FHAD1: variants seen among roughly 807,000 people sequenced by gnomAD.
The protein encoded by FHAD1 is forkhead-associated domain-containing protein 1.
FHAD1 carries 146 observed loss-of-function variants against 191.3 expected under a neutral mutation model. The observed-to-expected ratio is 0.76, with a 90% CI of 0.67 to 0.88. The LOEUF (loss-of-function observed/expected upper bound fraction) is 0.88. Ranked by LOEUF, FHAD1 falls within the 40% of genes least tolerant of loss-of-function variation. FHAD1 has a pLI of 0.00. For missense variants in FHAD1, 1,635 were observed against 1,785.8 expected (o/e 0.92, Z 1.52); for synonymous variants, 616 against 672.3 (o/e 0.92, Z 1.29).
intron 31 of FHAD1, chr1:15,383,699 A>G: frequency 3.3e-6 from 1 of 305,020 alleles, no homozygotes; most frequent in Non-Finnish European, 6.6e-6. Flanking sequence ...CTGTTTCTTC[A>G]TGACCGTCTC....
chr1:15,248,037 G>A (rs1646303406), intron 1 of FHAD1, among the ~76,000 whole-genome samples: 2 of 150,418 alleles, frequency 1.3e-5, no homozygotes, highest in African/African-American at 5.0e-5. Flanking sequence ...AACCCATTCA[G>A]CTAAAGAAAT....
rs1461197026 is a variant in FHAD1 at position 15,311,252 on chromosome 1, G to A, written c.1040-1805G>A. 2.0e-5 allele frequency among the ~76,000 whole-genome samples: 3 copies of A among 152,112 alleles called. No homozygotes were observed. Among genetic ancestry groups the A allele is most frequent in the Non-Finnish European group, 4.4e-5 (3 of 67,980 alleles). On this transcript the variant is annotated intron_variant, in intron 7 of 33. Coordinates refer to ENST00000688493, the MANE Select transcript of FHAD1 (RefSeq NM_001391957.1). This position sits in a 1 kb window ranked among gnomAD's most constrained non-coding sequence, Gnocchi z 4.1. ...CGTGCCAGGCGGGAGGGGGCTGCACGGAGAGCACCCCGGAGATCTCAGAGG... is the reference window on the plus strand; with the variant it reads ...CGTGCCAGGCGGGAGGGGGCTGCACAGAGAGCACCCCGGAGATCTCAGAGG...
In FHAD1 at chr1:15,345,148, G is replaced by A. The variant is rs959892805; in HGVS notation, c.2196G>A (p.Lys732=). 11 of 1,551,722 alleles carry A rather than the reference G, an allele frequency of 7.1e-6. No individual in the cohort carries two copies. The highest frequency in any genetic ancestry group is 9.6e-6 in the Non-Finnish European group (11 of 1,147,030). The part of the protein sequence containing the change: ...RAKETLEEER[K]RMQELESLLA... The stretch of plus-strand genomic sequence containing the variant: ...AAGAGACTTTAGAGGAAGAACGGAA[G>A]AGAATGCAAGAACTGGAGAGCCTCC... The change falls in exon 17 of 34, where the codon AAG becomes AAA. Residue 732 remains lysine, a synonymous_variant. Coordinates refer to ENST00000688493, the MANE Select transcript of FHAD1 (RefSeq NM_001391957.1).
chr1:15,264,578 G>GTGTGTGTGTA lies in FHAD1; in HGVS notation c.94-7745_94-7744insTGTGTGTGTA, dbSNP rs1553230111. Reference sequence around the variant, plus strand: ...TGTGTGTGTGTGTGTGTGTGTGTGTGATCTTTAGGGCTTTCTACATATAAA... The same window carrying GTGTGTGTGTA: ...TGTGTGTGTGTGTGTGTGTGTGTGTGTGTGTGTGTAATCTTTAGGGCTTTCTACATATAAA... On this transcript the variant is annotated intron_variant, in intron 2 of 33. Transcript: ENST00000688493. Among the ~76,000 whole-genome samples the GTGTGTGTGTA allele has an allele frequency of 4.3e-3, 649 of 149,960 alleles. 5 individuals carry two copies. Among genetic ancestry groups the GTGTGTGTGTA allele is most frequent in the Middle Eastern group, 0.014 (4 of 290 alleles).
chr1:15,328,557 C>T, intron 13 of FHAD1, 128 bp downstream of exon 13: 1 of 791,566 alleles, frequency 1.3e-6, no homozygotes, highest in East Asian at 3.3e-5. Flanking sequence ...CCACTTTTTC[C>T]TCTTGTTGGA....
At chr1:15,342,503 GA>G (rs1687152845) in intron 16 of FHAD1, among the ~76,000 whole-genome samples, 2 of 152,166 alleles carry the variant, frequency 1.3e-5, no homozygotes, top group African/African-American at 2.4e-5. Flanking sequence ...AGGCTTAGAG[GA>G]AGGTTTTCCC....
intron 18 of FHAD1, among the ~76,000 whole-genome samples, chr1:15,346,342 G>A (rs751733662): frequency 6.6e-5 from 10 of 152,274 alleles, no homozygotes; most frequent in East Asian, 5.8e-4. Context: ...AGCCTCTCCC[G>A]AAAAGTCAGA....
intron 11 of FHAD1, 75 bp downstream of exon 11, chr1:15,324,634 G>A: frequency 9.4e-7 from 1 of 1,058,452 alleles, no homozygotes; most frequent in South Asian, 1.4e-5. Flanking sequence ...GTGGGGGTGA[G>A]AGAGGAGGAC....
chr1:15,255,906 A>G (rs1414831818), intron 2 of FHAD1, among the ~76,000 whole-genome samples: 2 of 152,194 alleles, frequency 1.3e-5, no homozygotes, highest in Non-Finnish European at 2.9e-5. Flanking sequence ...TCTGAAAAAC[A>G]ATGGGAAGAT....
At chr1:15,376,229 A>G (rs1406039359) in intron 28 of FHAD1, among the ~76,000 whole-genome samples, 1 of 151,906 alleles carries the variant, frequency 6.6e-6, no homozygotes, top group East Asian at 1.9e-4. Flanking sequence ...AGCTGGGACT[A>G]CAGGCACCCG....
At chr1:15,251,688 TTTCA>T (rs1188604161) in intron 1 of FHAD1, 79 bp from the exon 2 acceptor site, 1 of 1,080,340 alleles carries the variant, frequency 9.3e-7, no homozygotes, top group African/African-American at 1.6e-5. Context: ...TCTGTGGTTA[TTTCA>T]TTCATTTTAA....
intron 16 of FHAD1, 102 bp from the exon 17 acceptor site, chr1:15,344,981 G>A (rs1271756794): frequency 2.3e-6 from 2 of 858,542 alleles, no homozygotes; most frequent in African/African-American, 3.4e-5. Context: ...CTCCCCAGGG[G>A]AGTGCGGTGA....
chr1:15,293,667 G>A (rs573514336), intron 4 of FHAD1, among the ~76,000 whole-genome samples: 1 of 152,132 alleles, frequency 6.6e-6, no homozygotes, highest in Non-Finnish European at 1.5e-5. Context: ...GCAGTGAGCT[G>A]AGATTGTGCC....
chr1:15,372,953 G>C (rs1698535706), intron 26 of FHAD1, among the ~76,000 whole-genome samples: 1 of 152,152 alleles, frequency 6.6e-6, no homozygotes, highest in African/African-American at 2.4e-5. Context: ...ATGACAACAG[G>C]GATGTTGCTG....
At chr1:15,269,167 T>C (rs1268609312) in intron 2 of FHAD1, among the ~76,000 whole-genome samples, 1 of 152,146 alleles carries the variant, frequency 6.6e-6, no homozygotes, top group East Asian at 1.9e-4. Flanking sequence ...ATTTCATTCA[T>C]TTCTGATCTA....
chr1:15,332,070 T>C (rs1681858281), intron 14 of FHAD1, among the ~76,000 whole-genome samples: 1 of 152,220 alleles, frequency 6.6e-6, no homozygotes, highest in African/African-American at 2.4e-5. Flanking sequence ...CACTTCAACA[T>C]CTGCAGCAGG....
intron 33 of FHAD1, among the ~76,000 whole-genome samples, chr1:15,392,943 C>T (rs2103140129): frequency 6.6e-6 from 1 of 152,312 alleles, no homozygotes; most frequent in Admixed American, 6.5e-5. Flanking sequence ...AAAAGAGAGA[C>T]TGCCCTGGCC....
intron 27 of FHAD1, among the ~76,000 whole-genome samples, chr1:15,374,861 TTTG>T (rs1270527390): frequency 1.3e-4 from 13 of 102,072 alleles, no homozygotes; most frequent in African/African-American, 5.8e-4. Flanking sequence ...TTTTTTTTTG[TTTG>T]TTTTTTTTTT....
In FHAD1 at chr1:15,308,116, G is replaced by C. The variant is rs546615202; in HGVS notation, c.916-497G>C. ...ACGGGAGCATTCCCAGGAGCCTTCT[G>C]TGGAGAGGCCATGAGGCTCTGTTGA... On this transcript the variant is annotated intron_variant, in intron 6 of 33. Coordinates refer to ENST00000688493, the MANE Select transcript of FHAD1 (RefSeq NM_001391957.1). Among the ~76,000 whole-genome samples, 21 of 152,344 alleles carry C rather than the reference G, an allele frequency of 1.4e-4. No homozygotes were observed. The East Asian group carries it at 3.7e-3, about 27-fold the overall frequency.
Sources: allele counts gnomAD v4.1 joint callset (sites outside exome capture counted in the v4.1 genomes callset), GRCh38; gene constraint gnomAD v4.1.1; non-coding constraint Gnocchi (gnomAD v3.1); transcripts MANE v1.5; gene names NCBI Gene and HGNC (gene_info 2026-07-23, HGNC 2026-07-21).